Variants in SNX30 observed in about 807,000 individuals in gnomAD.
SNX30 encodes the protein sorting nexin family member 30, also known as sorting nexin-30.
SNX30 carries 24 observed loss-of-function variants against 46.4 expected under a neutral mutation model. That is an observed-to-expected ratio of 0.52 (90% CI 0.37 to 0.73). The LOEUF is 0.73. Among genes scored for constraint, SNX30 ranks in the 30% least tolerant of loss-of-function variants. SNX30 has a pLI of 0.00. For missense variants in SNX30, 533 were observed against 555.7 expected (o/e 0.96, Z 0.41); for synonymous variants, 189 against 211.5 (o/e 0.89, Z 0.92).
chr9:112,782,823 A>G (rs1314297875), intron 1 of SNX30, among the ~76,000 whole-genome samples: 2 of 152,254 alleles, frequency 1.3e-5, no homozygotes, highest in Non-Finnish European at 2.9e-5. Context: ...TGTTCAAGTC[A>G]GATGTGCCCC....
intron 1 of SNX30, among the ~76,000 whole-genome samples, chr9:112,777,545 G>C (rs992711096): frequency 6.7e-6 from 1 of 149,824 alleles, no homozygotes; most frequent in Non-Finnish European, 1.5e-5. Flanking sequence ...TCCCACCTCA[G>C]TTTCCAGAGT....
intron 1 of SNX30, among the ~76,000 whole-genome samples, chr9:112,773,988 T>A (rs957804394): frequency 5.3e-5 from 8 of 152,248 alleles, no homozygotes; most frequent in Non-Finnish European, 1.2e-4. Flanking sequence ...GTGACCTGTT[T>A]GTCTTCAGAA....
intron 6 of SNX30, among the ~76,000 whole-genome samples, chr9:112,849,413 G>A (rs1840990153): frequency 6.6e-6 from 1 of 152,182 alleles, no homozygotes; most frequent in African/African-American, 2.4e-5. Context: ...GTGCTCAGTA[G>A]GCACGTGGAG....
At chr9:112,883,416 C>A (rs1841606261), downstream of SNX30, among the ~76,000 whole-genome samples, 1 of 152,100 alleles carries the variant, frequency 6.6e-6, no homozygotes, top group Non-Finnish European at 1.5e-5. Flanking sequence ...CACTTCCTAG[C>A]TGTGTACCCT....
intron 7 of SNX30, among the ~76,000 whole-genome samples, chr9:112,859,791 G>A (rs181722276): frequency 1.3e-5 from 2 of 151,964 alleles, no homozygotes; most frequent in South Asian, 4.2e-4. Context: ...ACAGGTGTGA[G>A]CCGCTGCACC....
chr9:112,864,654 T>A (rs539107232), intron 8 of SNX30, among the ~76,000 whole-genome samples: 1 of 152,296 alleles, frequency 6.6e-6, no homozygotes, highest in African/African-American at 2.4e-5. Context: ...CCATGCTTTC[T>A]GGGCCTGGCA....
chr9:112,804,590 A>G (rs766002995), intron 1 of SNX30, among the ~76,000 whole-genome samples, 186 bp from the exon 2 acceptor site: 2 of 152,198 alleles, frequency 1.3e-5, no homozygotes, highest in Non-Finnish European at 2.9e-5. Flanking sequence ...GCACTACCAT[A>G]GTTTGTTTCT....
At chr9:112,769,773 T>G (rs1839616016) in intron 1 of SNX30, among the ~76,000 whole-genome samples, 1 of 151,986 alleles carries the variant, frequency 6.6e-6, no homozygotes, top group South Asian at 2.1e-4. Context: ...GCCAGAAACC[T>G]CTCTCCTGAA....
At chr9:112,819,292 A>G (rs1361948922) in intron 3 of SNX30, among the ~76,000 whole-genome samples, 1 of 110,758 alleles carries the variant, frequency 9.0e-6, no homozygotes, top group Non-Finnish European at 1.8e-5. Context: ...TTTGAGATGA[A>G]GTTTACCTCT....
chr9:112,861,981 C>G (rs2131502037), intron 7 of SNX30, among the ~76,000 whole-genome samples: 1 of 152,342 alleles, frequency 6.6e-6, no homozygotes, highest in Non-Finnish European at 1.5e-5. Flanking sequence ...TGTTTCTTCC[C>G]AACTAGACTG....
At chr9:112,859,799 A>G (rs999250139) in intron 7 of SNX30, among the ~76,000 whole-genome samples, 3 of 150,320 alleles carry the variant, frequency 2.0e-5, no homozygotes, top group Non-Finnish European at 4.4e-5. Flanking sequence ...GAGCCGCTGC[A>G]CCTGGCCTAT....
At chr9:112,795,793 A>ACACG (rs1159179952) in intron 1 of SNX30, among the ~76,000 whole-genome samples, 10 of 151,254 alleles carry the variant, frequency 6.6e-5, no homozygotes, top group Admixed American at 1.3e-4. Flanking sequence ...ACACACACAC[A>ACACG]CACGCACACA....
rs566527608 is a variant in SNX30 at position 112,843,429 on chromosome 9, CAT to C, written c.1014+4735_1014+4736del. Among the ~76,000 whole-genome samples the C allele has an allele frequency of 1.6e-3, 247 of 152,078 alleles. 2 individuals carry two copies. Among genetic ancestry groups the C allele is most frequent in the African/African-American group, 5.7e-3 (235 of 41,472 alleles). Reference sequence around the variant, plus strand: ...AGGCTGTGGCTGGAGACTTGGAAGACATATGGGAGTGAGCTGCGCAAGGGTCG... The same window carrying C: ...AGGCTGTGGCTGGAGACTTGGAAGACATGGGAGTGAGCTGCGCAAGGGTCG... On this transcript the variant is annotated intron_variant, in intron 6 of 8. Transcript: ENST00000374232.
intron 3 of SNX30, among the ~76,000 whole-genome samples, chr9:112,825,233 C>T (rs552244660): frequency 5.9e-5 from 9 of 152,292 alleles, no homozygotes; most frequent in East Asian, 1.9e-4. Flanking sequence ...AATTTCTCCA[C>T]GTATTTGCCA....
Position 112,870,235 on chromosome 9 carries a change from C to T in SNX30, c.*1392C>T, listed in dbSNP as rs1841424440. Reference sequence around the variant, plus strand: ...GTGTTCTTTCATCTGTGGCTCATCCCTGTAAAACTACGAATCTGAGCCTCA... The same window carrying T: ...GTGTTCTTTCATCTGTGGCTCATCCTTGTAAAACTACGAATCTGAGCCTCA... On this transcript the variant is annotated 3_prime_UTR_variant, in exon 9 of 9. Transcript: ENST00000374232. 1 of 152,150 alleles carries T rather than the reference C, an allele frequency of 6.6e-6. No individual in the cohort carries two copies. The highest frequency in any genetic ancestry group is 1.5e-5 in the Non-Finnish European group (1 of 68,046). 9.4% of individuals were successfully genotyped at this position (152,150 alleles called of 1,614,324 possible). A position where few individuals can be genotyped will look rare whatever the true frequency, so the allele number is the denominator to read the frequency against.
chr9:112,761,241 C>A (rs1230695718), intron 1 of SNX30, among the ~76,000 whole-genome samples: 3 of 152,216 alleles, frequency 2.0e-5, no homozygotes, highest in African/African-American at 7.2e-5. Context: ...TGACTCACTG[C>A]AACCTCCGTC....
At chr9:112,850,757 C>G (rs1841010332) in intron 6 of SNX30, 102 bp from the exon 7 acceptor site, 1 of 791,212 alleles carries the variant, frequency 1.3e-6, no homozygotes. Context: ...CTGGGGTAGG[C>G]CTTGATTTGG....
chr9:112,768,650 T>TTTCTTC (rs1564262047), intron 1 of SNX30, among the ~76,000 whole-genome samples: 1 of 8,560 alleles, frequency 1.2e-4, no homozygotes, highest in Non-Finnish European at 2.2e-4. Flanking sequence ...CTTTCTTCTT[T>TTTCTTC]TTTTTTTTTT....
At chr9:112,850,736 CA>C in intron 6 of SNX30, 122 bp from the exon 7 acceptor site, 1 of 652,400 alleles carries the variant, frequency 1.5e-6, no homozygotes, top group Non-Finnish European at 2.7e-6. Flanking sequence ...CCTAGGAGCA[CA>C]TGGCTGGGCC....
Sources: gnomAD v4.1 joint callset for allele counts (sites outside exome capture counted in the v4.1 genomes callset) on GRCh38, gnomAD v4.1.1 for gene constraint, MANE v1.5 for transcripts, NCBI Gene and HGNC (gene_info 2026-07-23, HGNC 2026-07-21) for gene names.